Variants in SLC35F4 observed in about 807,000 individuals in gnomAD.
The protein encoded by SLC35F4 is solute carrier family 35 member F4, also known as chromosome 14 open reading frame 36.
A neutral mutation model predicts 44.2 loss-of-function variants in SLC35F4; 24 were observed. The observed-to-expected ratio is 0.54, with a 90% confidence interval of 0.39 to 0.76. The LOEUF is 0.76. Ranked by LOEUF, SLC35F4 falls within the 30% of genes least tolerant of loss-of-function variation. The pLI, the probability that SLC35F4 is intolerant of heterozygous loss-of-function variation, is 0.00. For missense variants in SLC35F4, 562 were observed against 586.1 expected (o/e 0.96, Z 0.42); for synonymous variants, 238 against 223.6 (o/e 1.06, Z -0.57).
At chr14:57,641,321 G>GACAGCCCCAGAATAAA (rs1159224424) in intron 1 of SLC35F4, among the ~76,000 whole-genome samples, 2 of 151,904 alleles carry the variant, frequency 1.3e-5, no homozygotes, top group African/African-American at 4.8e-5. Context: ...AGCCAACTGA[G>GACAGCCCCAGAATAAA]ACAGCCCCAG....
At chr14:57,705,455 C>T (rs573394506) in intron 1 of SLC35F4, among the ~76,000 whole-genome samples, 2 of 152,312 alleles carry the variant, frequency 1.3e-5, no homozygotes, top group Admixed American at 6.5e-5. Context: ...CTCTGCTCTA[C>T]TCCGCATCCC....
At chr14:57,848,566 T>C (rs960618777) in intron 1 of SLC35F4, among the ~76,000 whole-genome samples, 8 of 152,214 alleles carry the variant, frequency 5.3e-5, no homozygotes, top group Non-Finnish European at 8.8e-5. Context: ...AGAGTCATCA[T>C]AGACAAGCTC....
intron 1 of SLC35F4, among the ~76,000 whole-genome samples, chr14:57,738,187 G>C (rs2076512514): frequency 6.6e-6 from 1 of 152,136 alleles, no homozygotes; most frequent in Admixed American, 6.5e-5. Flanking sequence ...CACCTCATCT[G>C]TACCCATCTG....
At chr14:57,899,314 A>T (rs1888949861) in intron 1 of SLC35F4, among the ~76,000 whole-genome samples, 1 of 152,178 alleles carries the variant, frequency 6.6e-6, no homozygotes, top group Non-Finnish European at 1.5e-5. Context: ...AGAAGTTGGT[A>T]ACTTGCCCCA....
intron 1 of SLC35F4, among the ~76,000 whole-genome samples, chr14:57,798,086 C>T (rs2078097614): frequency 7.7e-6 from 1 of 129,172 alleles, no homozygotes; most frequent in South Asian, 2.5e-4. Context: ...CCAGCTGAGC[C>T]TAGGTAAACT....
At chr14:57,926,725 TGGGG>T (rs3034470) in intron 1 of SLC35F4, among the ~76,000 whole-genome samples, 11,361 of 125,690 alleles carry the variant, frequency 0.09, 1,145 homozygotes, top group East Asian at 0.42. Context: ...GAAGTAGGGT[TGGGG>T]GGGGGGGGTG....
chr14:57,884,525 T>C (rs879540164), intron 1 of SLC35F4, among the ~76,000 whole-genome samples: 2 of 152,182 alleles, frequency 1.3e-5, no homozygotes, highest in African/African-American at 2.4e-5. Context: ...GAATAGTTTA[T>C]GAGTTTTGTT....
At chr14:57,640,420 C>T (rs575027429) in intron 1 of SLC35F4, among the ~76,000 whole-genome samples, 4 of 152,140 alleles carry the variant, frequency 2.6e-5, no homozygotes, top group Non-Finnish European at 4.4e-5. Flanking sequence ...ACACATGAGG[C>T]TTGAACCAAT....
intron 1 of SLC35F4, among the ~76,000 whole-genome samples, chr14:57,650,659 G>A (rs1217915323): frequency 6.6e-6 from 1 of 152,134 alleles, no homozygotes; most frequent in Non-Finnish European, 1.5e-5. Context: ...AAAAATGGCA[G>A]TTAGATCATA....
chr14:57,698,791 A>T (rs1415102238), intron 1 of SLC35F4, among the ~76,000 whole-genome samples: 3 of 151,850 alleles, frequency 2.0e-5, no homozygotes, highest in Non-Finnish European at 4.4e-5. Context: ...GTGCCTGACT[A>T]ATTTTTGTAT....
chr14:57,671,388 G>A (rs79492739), intron 1 of SLC35F4, among the ~76,000 whole-genome samples: 9,226 of 151,924 alleles, frequency 0.061, 418 homozygotes, highest in South Asian at 0.094. Context: ...CTAGGATACC[G>A]CCTCAGCTCC....
intron 1 of SLC35F4, among the ~76,000 whole-genome samples, chr14:57,732,515 T>C (rs965144053): frequency 6.6e-6 from 1 of 152,160 alleles, no homozygotes; most frequent in African/African-American, 2.4e-5. Flanking sequence ...TATATGTCAA[T>C]TTATCATCAT....
intron 1 of SLC35F4, chr14:57,604,367 C>T (rs1245059554): frequency 6.6e-6 from 1 of 152,026 alleles, no homozygotes; most frequent in African/African-American, 2.4e-5. Flanking sequence ...TAAGAAAATG[C>T]TATGCTGTAT....
rs1368389123 is a variant in SLC35F4 at position 57,589,532 on chromosome 14, T to C, written c.290-19A>G. 3 of 1,578,492 alleles carry C rather than the reference T, an allele frequency of 1.9e-6. No individual in the cohort carries two copies. The highest frequency in any genetic ancestry group is 1.9e-5 in the Admixed American group (1 of 53,520). ...TCGTCTGCTGGAAACAGGAAAGGAA[T>C]ACAAATGTGAGGAAAGCAGGTTATG... On this transcript the variant is annotated intron_variant, in intron 2 of 7. Transcript: ENST00000556826.
chr14:57,937,640 GAA>G (rs776574058), intron 1 of SLC35F4, among the ~76,000 whole-genome samples: 1 of 105,048 alleles, frequency 9.5e-6, no homozygotes, highest in African/African-American at 4.2e-5. Context: ...GAAAAGAAAA[GAA>G]AAGAAAAGAA....
Position 57,696,128 on chromosome 14 carries a change from A to T in SLC35F4, c.104-102004T>A, listed in dbSNP as rs2075376549. Reference sequence around the variant, plus strand: ...GAGTTTCTGCACAGCAAAAGAAACTATCAGAGTGAACAGGCAACCTACAGA... The same window carrying T: ...GAGTTTCTGCACAGCAAAAGAAACTTTCAGAGTGAACAGGCAACCTACAGA... On this transcript the variant is annotated intron_variant, in intron 1 of 7. Coordinates refer to ENST00000556826, the MANE Select transcript of SLC35F4 (RefSeq NM_001306087.2). Among the ~76,000 whole-genome samples the T allele has an allele frequency of 2.0e-5, 3 of 152,282 alleles. No individual in the cohort carries two copies. The South Asian group carries it at 6.2e-4, about 32-fold the overall frequency.
intron 1 of SLC35F4, among the ~76,000 whole-genome samples, chr14:57,739,080 C>T (rs1225040723): frequency 1.3e-5 from 2 of 152,016 alleles, no homozygotes; most frequent in African/African-American, 4.8e-5. Flanking sequence ...TCCGAAGACC[C>T]CCATGGGAAC....
intron 1 of SLC35F4, among the ~76,000 whole-genome samples, chr14:57,926,469 A>G (rs1265534731): frequency 6.6e-6 from 1 of 152,178 alleles, no homozygotes; most frequent in Non-Finnish European, 1.5e-5. Flanking sequence ...GTGCTAGTTG[A>G]AACTTATGCA....
intron 1 of SLC35F4, among the ~76,000 whole-genome samples, chr14:57,918,586 A>G (rs1485045563): frequency 6.6e-6 from 1 of 152,254 alleles, no homozygotes; most frequent in African/African-American, 2.4e-5. Flanking sequence ...TTACCATCTC[A>G]AAGCCAAAAG....
Sources: gnomAD v4.1 joint callset for allele counts (sites outside exome capture counted in the v4.1 genomes callset) on GRCh38, gnomAD v4.1.1 for gene constraint, MANE v1.5 for transcripts, NCBI Gene and HGNC (gene_info 2026-07-23, HGNC 2026-07-21) for gene names.